The following TAFA1 variants were observed in gnomAD, a reference collection of about 807,000 sequenced individuals.
TAFA1 encodes chemokine-like protein TAFA-1.
Under a neutral mutation model 18.5 loss-of-function variants are expected in TAFA1, and 4 were observed. The ratio of observed to expected loss-of-function variants is 0.22; its 90% CI spans 0.11 to 0.49. TAFA1 has a LOEUF of 0.49. Ranked by LOEUF, TAFA1 falls within the 20% of genes least tolerant of loss-of-function variation. The pLI is 0.98. For missense variants in TAFA1, 147 were observed against 169.0 expected, an observed-to-expected ratio of 0.87 and a Z score of 0.72; for synonymous variants, 56 against 55.2, an observed-to-expected ratio of 1.01 and a Z score of -0.06.
intron 3 of TAFA1, among the ~76,000 whole-genome samples, chr3:68,419,067 C>T (rs540437487): frequency 1.3e-5 from 2 of 152,242 alleles, no homozygotes; most frequent in African/African-American, 2.4e-5. Context: ...TTCCTCGCCT[C>T]GTGAACCTCT....
intron 2 of TAFA1, among the ~76,000 whole-genome samples, chr3:68,254,139 ATCTATCTATCTATCTATC>A (rs2067250590): frequency 2.9e-5 from 4 of 139,886 alleles, no homozygotes; most frequent in South Asian, 2.3e-4. Context: ...GTATGTATCT[ATCTATCTATCTATCTATC>A]TGTCTATCTA....
intron 2 of TAFA1, among the ~76,000 whole-genome samples, chr3:68,210,634 G>A (rs1411223919): frequency 6.6e-6 from 1 of 151,952 alleles, no homozygotes; most frequent in Non-Finnish European, 1.5e-5. Context: ...CCTAACACGT[G>A]TACCCATTCT....
At chr3:68,307,572 A>G (rs1051655008) in intron 2 of TAFA1, among the ~76,000 whole-genome samples, 37 of 152,106 alleles carry the variant, frequency 2.4e-4, no homozygotes, top group African/African-American at 8.7e-4. Flanking sequence ...TCCAGTTCTT[A>G]TTTGTGGTTT....
At chr3:68,018,444 G>T (rs1312925684) in intron 2 of TAFA1, among the ~76,000 whole-genome samples, 3 of 152,204 alleles carry the variant, frequency 2.0e-5, no homozygotes, top group Non-Finnish European at 4.4e-5. Flanking sequence ...ACCTAAGATA[G>T]TAATTATTTT....
rs1704360408 is a variant in TAFA1, at chr3:68,006,502, T to C, written c.-3-122T>C. 5.7e-6 allele frequency: 4 copies of C among 705,674 alleles called. No individual in the cohort carries two copies. The South Asian group carries it at 6.5e-5, about 11-fold the overall frequency. 43.7% of individuals were successfully genotyped at this position (705,674 alleles called of 1,614,324 possible). On this transcript the variant is annotated intron_variant, in intron 1 of 4. Transcript: ENST00000478136. ...GGCATGACCTCTGCTGGATCATTAG[T>C]TCTAGCCAGAGAAGTAGCAAAGGAA...
At chr3:68,463,353 T>G (rs1200389292) in intron 3 of TAFA1, among the ~76,000 whole-genome samples, 1 of 152,206 alleles carries the variant, frequency 6.6e-6, no homozygotes, top group Non-Finnish European at 1.5e-5. Context: ...AACCACTGTT[T>G]CATTTCAGAA....
intron 2 of TAFA1, among the ~76,000 whole-genome samples, chr3:68,070,044 G>A (rs2064733107): frequency 6.6e-6 from 1 of 152,160 alleles, no homozygotes; most frequent in Non-Finnish European, 1.5e-5. Context: ...TGGGGACTGG[G>A]GGATGATTGC....
At chr3:68,301,247 T>C (rs1284286921) in intron 2 of TAFA1, among the ~76,000 whole-genome samples, 1 of 152,192 alleles carries the variant, frequency 6.6e-6, no homozygotes, top group Non-Finnish European at 1.5e-5. Flanking sequence ...AAAATTACCA[T>C]GTATTATAAA....
chr3:68,129,862 TTTTCCTTGTTCC>T (rs938040533), intron 2 of TAFA1, among the ~76,000 whole-genome samples: 1 of 152,122 alleles, frequency 6.6e-6, no homozygotes, highest in Non-Finnish European at 1.5e-5. Context: ...AGCAGACTTG[TTTTCCTTGTTCC>T]TTTCCTTGTT....
intron 2 of TAFA1, among the ~76,000 whole-genome samples, chr3:68,230,700 G>C (rs569052499): frequency 1.3e-5 from 2 of 152,154 alleles, no homozygotes; most frequent in Non-Finnish European, 2.9e-5. Flanking sequence ...CCTCCATACT[G>C]TTCTCCATAG....
intron 2 of TAFA1, among the ~76,000 whole-genome samples, chr3:68,010,958 T>G (rs1394218703): frequency 6.6e-6 from 1 of 152,110 alleles, no homozygotes; most frequent in African/African-American, 2.4e-5. Context: ...AATTATAAAA[T>G]AGACACCTCA....
intron 2 of TAFA1, among the ~76,000 whole-genome samples, chr3:68,065,919 A>G (rs2106736761): frequency 6.6e-6 from 1 of 152,258 alleles, no homozygotes; most frequent in South Asian, 2.1e-4. Context: ...CAGCAATAAA[A>G]ACTAATGAAC....
chr3:68,370,480 A>ACG lies in TAFA1; in HGVS notation c.119-46800_119-46799insCG, dbSNP rs1202297797. On this transcript the variant is annotated intron_variant, in intron 2 of 4. Transcript: ENST00000478136. The stretch of plus-strand genomic sequence containing the variant: ...TGTGTGTGTGTGTGTGTGTATATAT[A>ACG]TATATATATATATATATATATATAT... 6.1e-5 allele frequency among the ~76,000 whole-genome samples: 2 copies of ACG among 32,760 alleles called. 1 individual carries two copies. The highest frequency in any genetic ancestry group is 9.1e-4 in the Admixed American group (2 of 2,190). The allele number at this position is 32,760 out of a possible 152,430, so 21.5% of individuals were successfully genotyped here.
intron 2 of TAFA1, among the ~76,000 whole-genome samples, chr3:68,191,420 C>T (rs143903991): frequency 1.0e-3 from 157 of 151,902 alleles, no homozygotes; most frequent in African/African-American, 3.4e-3. Context: ...CAGAGTGAAG[C>T]TAATTATCTT....
intron 2 of TAFA1, among the ~76,000 whole-genome samples, chr3:68,024,805 G>GCACACACA (rs3037727): frequency 0.14 from 10,152 of 73,554 alleles, 438 homozygotes; most frequent in Admixed American, 0.19. Context: ...TCTCCTTAAT[G>GCACACACA]CACACACACA....
At position 68,263,122 on chromosome 3, in the gene TAFA1, G is replaced by T. The variant is rs186752378; in HGVS notation, c.119-154158G>T. Among the ~76,000 whole-genome samples the T allele has an allele frequency of 1.3e-4, 20 of 152,198 alleles. No homozygotes were observed. The East Asian group carries it at 3.5e-3, about 27-fold the overall frequency. On this transcript the variant is annotated intron_variant, in intron 2 of 4. Coordinates refer to ENST00000478136, the MANE Select transcript of TAFA1 (RefSeq NM_213609.4). ...TATTCAGAAATATTTTTAAGAGATGGTGTCTTACTATGATGCCCAGGCTGG... is the reference window on the plus strand; with the variant it reads ...TATTCAGAAATATTTTTAAGAGATGTTGTCTTACTATGATGCCCAGGCTGG...
rs867423839 is a variant in TAFA1 at position 68,393,958 on chromosome 3, C to T, written c.119-23322C>T. ...ATTCCCTTTGAAAACTGGCACAAGA[C>T]AAGGATGCCCTCTCTCACCACTCCT... On this transcript the variant is annotated intron_variant, in intron 2 of 4. Coordinates refer to ENST00000478136, the MANE Select transcript of TAFA1 (RefSeq NM_213609.4). Among the ~76,000 whole-genome samples the T allele has an allele frequency of 1.6e-4, 25 of 152,302 alleles. 2 individuals carry two copies. In the South Asian group the frequency reaches 4.6e-3, roughly 28 times the overall value.
chr3:68,456,350 C>T (rs545286732), intron 3 of TAFA1, among the ~76,000 whole-genome samples: 3 of 152,206 alleles, frequency 2.0e-5, no homozygotes, highest in Admixed American at 6.5e-5. Flanking sequence ...AATAAATGTC[C>T]TTTGTGGCAT....
chr3:68,388,130 T>C (rs1247237496), intron 2 of TAFA1, among the ~76,000 whole-genome samples: 2 of 152,144 alleles, frequency 1.3e-5, no homozygotes, highest in African/African-American at 2.4e-5. Context: ...TAACTAACAT[T>C]AGAAAAATTA....
Sources: gnomAD v4.1 joint callset for allele counts (sites outside exome capture counted in the v4.1 genomes callset) on GRCh38, gnomAD v4.1.1 for gene constraint, MANE v1.5 for transcripts, NCBI Gene and HGNC (gene_info 2026-07-23, HGNC 2026-07-21) for gene names.